Variants in ZFHX3 observed in about 807,000 individuals in gnomAD.
ZFHX3 encodes zinc finger homeobox 3.
Under a neutral mutation model 279.1 loss-of-function variants are expected in ZFHX3, and 42 were observed. The observed-to-expected ratio is 0.15, with a 90% CI of 0.12 to 0.19. The LOEUF is 0.19. ZFHX3 is among the 10% of genes least tolerant of loss of function. The probability of loss-of-function intolerance (pLI) is 1.00; values close to 1 mark genes in which losing one functional copy is unlikely to be tolerated. For synonymous variants in ZFHX3, 2,293 were observed against 1,957.8 expected, an observed-to-expected ratio of 1.17 and a Z score of -4.52; for missense variants, 4,981 against 4,754.0, an observed-to-expected ratio of 1.05 and a Z score of -1.40.
intron 1 of ZFHX3, among the ~76,000 whole-genome samples, chr16:73,706,587 T>G (rs922636397): frequency 2.0e-5 from 3 of 152,168 alleles, no homozygotes; most frequent in Non-Finnish European, 4.4e-5. Context: ...CTCTCCGTGG[T>G]GTAGCCCAAT....
intron 1 of ZFHX3, among the ~76,000 whole-genome samples, chr16:73,849,852 C>T (rs1448941509): frequency 1.3e-5 from 2 of 152,196 alleles, no homozygotes; most frequent in South Asian, 2.1e-4. Flanking sequence ...CCTGCCTCAG[C>T]CTCCCAAGTG....
chr16:73,151,667 T>G (rs1013372492), intron 5 of ZFHX3, among the ~76,000 whole-genome samples: 1 of 151,932 alleles, frequency 6.6e-6, no homozygotes, highest in Non-Finnish European at 1.5e-5. Flanking sequence ...CACATTTAGG[T>G]CTGTCCTACG....
At chr16:73,688,128 A>C (rs1252403327) in intron 1 of ZFHX3, among the ~76,000 whole-genome samples, 1 of 151,920 alleles carries the variant, frequency 6.6e-6, no homozygotes, top group Non-Finnish European at 1.5e-5. Context: ...AGGCTGAGGC[A>C]GGTGGATCAC....
At chr16:73,274,716 T>C (rs867713085) in intron 4 of ZFHX3, among the ~76,000 whole-genome samples, 12 of 152,348 alleles carry the variant, frequency 7.9e-5, no homozygotes, top group Middle Eastern at 3.4e-3. Flanking sequence ...TAATCTGTTT[T>C]GATAATCTAA....
intron 5 of ZFHX3, among the ~76,000 whole-genome samples, chr16:73,174,250 T>C (rs1003904506): frequency 2.7e-5 from 4 of 149,844 alleles, no homozygotes; most frequent in Admixed American, 6.7e-5. Flanking sequence ...GAATGGGTGG[T>C]GTGTGTGTTC....
At chr16:73,234,172 T>G (rs1260930126) in intron 5 of ZFHX3, among the ~76,000 whole-genome samples, 1 of 152,162 alleles carries the variant, frequency 6.6e-6, no homozygotes, top group Non-Finnish European at 1.5e-5. Flanking sequence ...TGGGTATTTA[T>G]GTAATTCATG....
At chr16:73,583,023 G>C (rs2051877947) in intron 2 of ZFHX3, among the ~76,000 whole-genome samples, 1 of 152,172 alleles carries the variant, frequency 6.6e-6, no homozygotes, top group African/African-American at 2.4e-5. Context: ...CTTTGCACTA[G>C]TCTTAGGATG....
intron 1 of ZFHX3, among the ~76,000 whole-genome samples, chr16:73,013,328 C>T (rs902958901): frequency 1.3e-5 from 2 of 152,162 alleles, no homozygotes; most frequent in Non-Finnish European, 2.9e-5. Context: ...TGCTCTGTCG[C>T]CCAGGTTGGA....
intron 1 of ZFHX3, among the ~76,000 whole-genome samples, chr16:73,813,165 C>T (rs866862230): frequency 5.3e-5 from 8 of 152,162 alleles, no homozygotes; most frequent in East Asian, 3.9e-4. Flanking sequence ...ACTGATCCCT[C>T]GCTGTCTCTC....
intron 2 of ZFHX3, among the ~76,000 whole-genome samples, 192 bp from the exon 3 acceptor site, chr16:72,951,157 C>T (rs1317471482): frequency 6.6e-6 from 1 of 152,200 alleles, no homozygotes; most frequent in African/African-American, 2.4e-5. Flanking sequence ...GTGTTTCAAT[C>T]TTTCCTGCGG....
At chr16:73,808,368 A>G (rs1960340955) in intron 1 of ZFHX3, 1 of 152,246 alleles carries the variant, frequency 6.6e-6, no homozygotes, top group Non-Finnish European at 1.5e-5. Flanking sequence ...ATTGCTATCC[A>G]TGTTGAATAG....
chr16:72,881,435 G>A (rs1045157075), intron 4 of ZFHX3, among the ~76,000 whole-genome samples: 1 of 152,122 alleles, frequency 6.6e-6, no homozygotes, highest in Non-Finnish European at 1.5e-5. Flanking sequence ...ACAGTTTGAA[G>A]GGGGTTCCTT....
At chr16:73,152,081 A>G (rs1456485620) in intron 5 of ZFHX3, among the ~76,000 whole-genome samples, 1 of 152,046 alleles carries the variant, frequency 6.6e-6, no homozygotes, top group Non-Finnish European at 1.5e-5. Context: ...CTCCAACAAG[A>G]TATTTTCAGT....
chr16:73,138,984 C>T (rs895547348), intron 6 of ZFHX3, among the ~76,000 whole-genome samples: 1 of 152,202 alleles, frequency 6.6e-6, no homozygotes, highest in African/African-American at 2.4e-5. Context: ...AGCCACTGTG[C>T]CCTGCCTGGT....
chr16:73,556,878 G>A (rs757265351), intron 2 of ZFHX3, among the ~76,000 whole-genome samples: 14 of 151,980 alleles, frequency 9.2e-5, no homozygotes, highest in East Asian at 3.9e-4. Flanking sequence ...GGCAGATCAC[G>A]AGGTCAAGGG....
At chr16:73,545,817 C>T (rs1286308934) in intron 2 of ZFHX3, among the ~76,000 whole-genome samples, 1 of 151,890 alleles carries the variant, frequency 6.6e-6, no homozygotes, top group Admixed American at 6.6e-5. Context: ...AAAGTTTTCC[C>T]CTAAAAAATG....
chr16:73,584,108 C>CA (rs1403651591), intron 2 of ZFHX3, among the ~76,000 whole-genome samples: 3 of 152,028 alleles, frequency 2.0e-5, no homozygotes, highest in African/African-American at 7.2e-5. Context: ...ATAACTCATG[C>CA]AGAGCATAGT....
intron 5 of ZFHX3, among the ~76,000 whole-genome samples, chr16:73,174,265 A>AC (rs1567409931): frequency 1.9e-5 from 2 of 103,842 alleles, no homozygotes; most frequent in Admixed American, 1.2e-4. Context: ...GTGTTCACAC[A>AC]AAACAACAAC....
chr16:72,984,831 T>A (rs1441654249), intron 1 of ZFHX3, among the ~76,000 whole-genome samples: 1 of 152,134 alleles, frequency 6.6e-6, no homozygotes, highest in Non-Finnish European at 1.5e-5. Flanking sequence ...ACAGAATTTA[T>A]ACATATAAAA....
Sources: allele counts gnomAD v4.1 joint callset (sites outside exome capture counted in the v4.1 genomes callset), GRCh38; gene constraint gnomAD v4.1.1; transcripts MANE v1.5; gene names NCBI Gene and HGNC (gene_info 2026-07-23, HGNC 2026-07-21).